CRYBG1: variants seen among roughly 807,000 people sequenced by gnomAD.
The protein encoded by CRYBG1 is crystallin beta-gamma domain containing 1.
Under a neutral mutation model 189.2 loss-of-function variants are expected in CRYBG1, and 139 were observed. The observed-to-expected ratio is 0.73, with a 90% CI of 0.64 to 0.85. CRYBG1 has a LOEUF of 0.85. Among genes scored for constraint, CRYBG1 ranks in the 40% least tolerant of loss-of-function variants. The pLI is 0.00. For missense variants in CRYBG1, 2,611 were observed against 2,675.8 expected (o/e 0.98, Z 0.53); for synonymous variants, 1,023 against 1,017.1 (o/e 1.01, Z -0.11).
chr6:106,520,817 G>A lies in CRYBG1; in HGVS notation c.3609G>A (p.Leu1203=). ...AACAGAGCGTCCTCTTCAAGTCCCTGCACACCAACACTAATGGGAACAGTG... is the reference window on the plus strand; with the variant it reads ...AACAGAGCGTCCTCTTCAAGTCCCTACACACCAACACTAATGGGAACAGTG... The part of the protein sequence containing the change: ...SAEQSVLFKS[L]HTNTNGNSEP... The change falls in exon 4 of 22, where the codon CTG becomes CTA. Residue 1203 remains leucine (L), a synonymous_variant. Transcript: ENST00000633556. 1 of 1,614,072 alleles carries A rather than the reference G, an allele frequency of 6.2e-7. No individual in the cohort carries two copies. Among genetic ancestry groups the A allele is most frequent in the Non-Finnish European group, 8.5e-7 (1 of 1,180,004 alleles).
intron 1 of CRYBG1, among the ~76,000 whole-genome samples, chr6:106,372,984 C>T (rs76160079): frequency 0.056 from 8,484 of 152,224 alleles, 391 homozygotes; most frequent in East Asian, 0.16. Context: ...AAAACTAAAG[C>T]TCATTGAACG....
chr6:106,405,628 A>G (rs1257045967), intron 1 of CRYBG1, among the ~76,000 whole-genome samples: 3 of 152,180 alleles, frequency 2.0e-5, no homozygotes, highest in Non-Finnish European at 2.9e-5. Flanking sequence ...CACCTCATAC[A>G]GGAGAGCTCT....
chr6:106,525,121 A>T lies in CRYBG1; in HGVS notation c.4246-12A>T. ...GTAATTATTTGTTGTGTTTTTGTTC[A>T]TCTGATTGCAGACACTTAGAGGAAG... On this transcript the variant is annotated splice_polypyrimidine_tract_variant and intron_variant, in intron 4 of 21. Transcript: ENST00000633556. 1.9e-6 allele frequency: 3 copies of T among 1,613,664 alleles called. No homozygotes were observed. The highest frequency in any genetic ancestry group is 2.5e-6 in the Non-Finnish European group (3 of 1,179,686).
intron 2 of CRYBG1, among the ~76,000 whole-genome samples, chr6:106,452,670 T>C (rs1771807759): frequency 6.6e-6 from 1 of 152,228 alleles, no homozygotes; most frequent in Non-Finnish European, 1.5e-5. Context: ...CAATAGTTAC[T>C]TCTTAATATC....
intron 1 of CRYBG1, among the ~76,000 whole-genome samples, chr6:106,384,989 A>G (rs1042666600): frequency 1.3e-5 from 2 of 152,184 alleles, no homozygotes; most frequent in East Asian, 1.9e-4. Flanking sequence ...GAATGCAGCC[A>G]CTTTATCTGC....
intron 1 of CRYBG1, among the ~76,000 whole-genome samples, chr6:106,364,128 C>A (rs942255766): frequency 1.1e-5 from 1 of 92,446 alleles, no homozygotes; most frequent in Non-Finnish European, 2.4e-5. Flanking sequence ...AGTTTGAGAC[C>A]AGCTTGGCCA....
At position 106,521,128 on chromosome 6, in the gene CRYBG1, A is replaced by T. The variant is rs374238219; in HGVS notation, c.3920A>T (p.Asn1307Ile). Residue 1307 changes from asparagine to isoleucine, a missense_variant, in exon 4 of 22, where the codon AAC becomes ATC. By Grantham distance (149) the Asn-to-Ile change is moderately radical. Coordinates refer to ENST00000633556, the MANE Select transcript of CRYBG1 (RefSeq NM_001371242.2). ...NKEQSNLLPD[N>I]SLKVFNFNSS... Reference sequence around the variant, plus strand: ...GAACAGTCAAATCTTCTGCCCGACAACTCCTTAAAGGTCTTCAATTTCAAC... The same window carrying T: ...GAACAGTCAAATCTTCTGCCCGACATCTCCTTAAAGGTCTTCAATTTCAAC... 6.2e-7 allele frequency: 1 copy of T among 1,613,872 alleles called. No homozygotes were observed. Among genetic ancestry groups the T allele is most frequent in the East Asian group, 2.2e-5 (1 of 44,878 alleles).
intron 1 of CRYBG1, among the ~76,000 whole-genome samples, chr6:106,404,763 C>T (rs1386810661): frequency 2.0e-5 from 3 of 152,022 alleles, no homozygotes; most frequent in Non-Finnish European, 4.4e-5. Context: ...ATCACCTCAC[C>T]CAGGAAGCGC....
In CRYBG1 at chr6:106,512,250, T is replaced by G. The variant is rs184750193; in HGVS notation, c.1133T>G (p.Leu378Trp). Residue 378 changes from leucine (L) to tryptophan (W), a missense_variant, in exon 3 of 22, where the codon TTG (leucine) becomes TGG (tryptophan). By Grantham distance (61) the Leu-to-Trp change is moderately conservative. Coordinates refer to ENST00000633556, the MANE Select transcript of CRYBG1 (RefSeq NM_001371242.2). ...GCCCACCCTGCTAAGGTGCTAACTT[T>G]GGACATCTACTTGAGTAAGACTGAG... The part of the protein sequence containing the change: ...GHAHPAKVLT[L>W]DIYLSKTEGA... 413 of 1,548,718 alleles carry G rather than the reference T, an allele frequency of 2.7e-4. No individual in the cohort carries two copies. The highest frequency in any genetic ancestry group is 3.4e-4 in the Non-Finnish European group (391 of 1,151,154).
Position 106,535,195 on chromosome 6 carries a change from T to C in CRYBG1, c.4719-4208T>C, listed in dbSNP as rs74891049. On this transcript the variant is annotated intron_variant, in intron 8 of 21. Coordinates refer to ENST00000633556, the MANE Select transcript of CRYBG1 (RefSeq NM_001371242.2). ...TACCAACATTGCTGCCCACCGTGGT[T>C]ACACATGTAACCACACTCCTAAGAT... is the stretch of plus-strand genomic sequence containing the variant. 7.2e-3 allele frequency among the ~76,000 whole-genome samples: 1,096 copies of C among 152,328 alleles called. 15 individuals carry two copies. The highest frequency in any genetic ancestry group is 0.025 in the African/African-American group (1,043 of 41,566).
At chr6:106,373,841 T>C (rs1485906406) in intron 1 of CRYBG1, among the ~76,000 whole-genome samples, 1 of 152,252 alleles carries the variant, frequency 6.6e-6, no homozygotes, top group Admixed American at 6.5e-5. Flanking sequence ...TACTTTGTCT[T>C]AAACCACTCT....
intron 2 of CRYBG1, among the ~76,000 whole-genome samples, chr6:106,499,238 C>T (rs1211446187): frequency 4.3e-4 from 64 of 150,202 alleles, no homozygotes; most frequent in Admixed American, 1.5e-3. Flanking sequence ...CCGCAACTTC[C>T]GCCTCCCGGG....
chr6:106,460,164 T>C (rs1013010222), intron 2 of CRYBG1, among the ~76,000 whole-genome samples: 3 of 144,804 alleles, frequency 2.1e-5, no homozygotes, highest in African/African-American at 7.7e-5. Context: ...TTTTTTTTTT[T>C]GTATTTTTAG....
chr6:106,418,761 G>A (rs1771070100), intron 1 of CRYBG1, among the ~76,000 whole-genome samples: 2 of 152,196 alleles, frequency 1.3e-5, no homozygotes. Context: ...GGAAATCAAG[G>A]ACATGGACAC....
In CRYBG1 at chr6:106,360,819, G is replaced by A. The variant is rs1041287824; in HGVS notation, c.-90G>A. ...TCCCACGGCGCGCTGAGAAAGGCGG[G>A]CGAGCTGGCGCTCAGGTGTGTTCTT... On this transcript the variant is annotated 5_prime_UTR_variant, in exon 1 of 22. Transcript: ENST00000633556. The A allele has an allele frequency of 4.4e-6, 6 of 1,375,864 alleles. No homozygotes were observed. Among genetic ancestry groups the A allele is most frequent in the Non-Finnish European group, 5.7e-6 (6 of 1,058,150 alleles). The allele number at this position is 1,375,864 out of a possible 1,614,324, so 85.2% of individuals were successfully genotyped here.
rs1775037497 is a variant in CRYBG1, at chr6:106,570,830, A to G, written c.*2264A>G. ...TTAGAGAAAAGCCTACATCTAACAT[A>G]CATGCTACCAAACGAGTGTCTAACA... On this transcript the variant is annotated 3_prime_UTR_variant, in exon 22 of 22. Transcript: ENST00000633556. 1 of 152,216 alleles carries G rather than the reference A, an allele frequency of 6.6e-6. No individual in the cohort carries two copies. Among genetic ancestry groups the G allele is most frequent in the South Asian group, 2.1e-4 (1 of 4,828 alleles). The allele number at this position is 152,216 out of a possible 1,614,324, so 9.4% of individuals were successfully genotyped here. A position where few individuals can be genotyped will look rare whatever the true frequency, so the allele number is the denominator to read the frequency against.
At chr6:106,457,660 C>T (rs1771916383) in intron 2 of CRYBG1, among the ~76,000 whole-genome samples, 1 of 152,166 alleles carries the variant, frequency 6.6e-6, no homozygotes, top group Non-Finnish European at 1.5e-5. Context: ...AGCCCTTGGA[C>T]CTACCTTGTC....
At chr6:106,441,176 T>C (rs1293942748) in intron 1 of CRYBG1, among the ~76,000 whole-genome samples, 1 of 152,076 alleles carries the variant, frequency 6.6e-6, no homozygotes, top group Non-Finnish European at 1.5e-5. Flanking sequence ...AAGTTGTATG[T>C]ATGGGAAGGG....
At chr6:106,549,278 G>A (rs1214322577) in intron 13 of CRYBG1, among the ~76,000 whole-genome samples, 2 of 152,170 alleles carry the variant, frequency 1.3e-5, no homozygotes, top group Non-Finnish European at 2.9e-5. Context: ...CCCGTGTGCT[G>A]TACAGCATCA....
Sources: gnomAD v4.1 joint callset for allele counts (sites outside exome capture counted in the v4.1 genomes callset) on GRCh38, gnomAD v4.1.1 for gene constraint, MANE v1.5 for transcripts, NCBI Gene and HGNC (gene_info 2026-07-23, HGNC 2026-07-21) for gene names.